Variants in PARL observed in about 807,000 individuals in gnomAD.
PARL encodes presenilin associated rhomboid like.
Under a neutral mutation model 51.6 loss-of-function variants are expected in PARL, and 44 were observed. The observed-to-expected ratio is 0.85, with a 90% CI of 0.67 to 1.10. The LOEUF is 1.10. Ranked by LOEUF, PARL falls within the 50% of genes least tolerant of loss-of-function variation. The pLI, the probability that PARL is intolerant of heterozygous loss-of-function variation, is 0.00. For missense variants in PARL, 441 were observed against 469.5 expected (o/e 0.94, Z 0.56); for synonymous variants, 172 against 164.0 (o/e 1.05, Z -0.37).
chr3:183,850,516 T>C (rs1262578317), intron 4 of PARL, among the ~76,000 whole-genome samples: 2 of 152,224 alleles, frequency 1.3e-5, no homozygotes, highest in East Asian at 3.8e-4. Flanking sequence ...TCTGTGGTTC[T>C]ACGTGGACAC....
chr3:183,862,222 G>C (rs749513578), intron 4 of PARL, among the ~76,000 whole-genome samples: 14 of 152,178 alleles, frequency 9.2e-5, no homozygotes, highest in Non-Finnish European at 1.9e-4. Flanking sequence ...CATTTAAATG[G>C]GGTTTTATAA....
chr3:183,856,025 G>A (rs930794867), intron 4 of PARL, among the ~76,000 whole-genome samples: 1 of 151,148 alleles, frequency 6.6e-6, no homozygotes, highest in Admixed American at 6.6e-5. Context: ...TTCCCCTGCC[G>A]CTCACCTCCT....
chr3:183,850,358 C>G (rs1730412794), intron 4 of PARL, among the ~76,000 whole-genome samples: 1 of 152,200 alleles, frequency 6.6e-6, no homozygotes, highest in Non-Finnish European at 1.5e-5. Context: ...CTGCCACCAT[C>G]TCTTTGGTCT....
At chr3:183,847,983 T>C (rs1439262484) in intron 4 of PARL, among the ~76,000 whole-genome samples, 1 of 152,222 alleles carries the variant, frequency 6.6e-6, no homozygotes, top group Non-Finnish European at 1.5e-5. Context: ...GCACTACTGA[T>C]TCAGGAAGGC....
In PARL at chr3:183,840,621, G is replaced by T; in HGVS notation, c.777C>A (p.Val259=). 1 of 1,538,618 alleles carries T rather than the reference G, an allele frequency of 6.5e-7. No individual in the cohort carries two copies. Among genetic ancestry groups the T allele is most frequent in the Non-Finnish European group, 9.0e-7 (1 of 1,117,136 alleles). Residue 259 remains valine, a synonymous_variant, in exon 7 of 10, where the codon GTC becomes GTA. Transcript: ENST00000317096. ...CTGTGGCAACTTTACCCACGTAACT[G>T]ACAAAATTGGAAATAACACCTGAAA... ...YLSAGVISNF[V]SYVGKVATGR... is the part of the protein sequence containing the mutation.
chr3:183,874,163 C>A (rs1733526547), intron 1 of PARL, among the ~76,000 whole-genome samples: 1 of 152,098 alleles, frequency 6.6e-6, no homozygotes, highest in Non-Finnish European at 1.5e-5. Context: ...TGATCAGTGA[C>A]CTTTGATGTT....
At chr3:183,840,693 C>CTTT in intron 6 of PARL, 53 bp from the exon 7 acceptor site, 1 of 736,720 alleles carries the variant, frequency 1.4e-6, no homozygotes, top group South Asian at 1.8e-5. Context: ...AAATGGTTTA[C>CTTT]TTTTTTTTTT....
Position 183,884,767 on chromosome 3 carries a change from T to A in PARL, c.80A>T (p.Glu27Val). 6.3e-7 allele frequency: 1 copy of A among 1,582,848 alleles called. No homozygotes were observed. The highest frequency in any genetic ancestry group is 8.6e-7 in the Non-Finnish European group (1 of 1,169,274). The change falls in exon 1 of 10, where the codon GAG becomes GTG. Residue 27 changes from glutamate to valine, a missense_variant. Coordinates refer to ENST00000317096, the MANE Select transcript of PARL (RefSeq NM_018622.7). ...CGGGGTTAGGACCGCAGTGAGCTCC[T>A]CGCAGCTGCGGCCGCCCACCGACGC... Reference protein sequence around the residue: ...WGASVGGRSCEELTAVLTPPQ... With the variant: ...WGASVGGRSCVELTAVLTPPQ...
At chr3:183,862,584 A>G (rs975364660) in intron 4 of PARL, 169 bp downstream of exon 4, 1 of 617,292 alleles carries the variant, frequency 1.6e-6, no homozygotes, top group Non-Finnish European at 2.9e-6. Flanking sequence ...CATCATGTAA[A>G]CCTTTATACC....
At chr3:183,842,237 C>G in intron 6 of PARL, 61 bp downstream of exon 6, 1 of 1,477,036 alleles carries the variant, frequency 6.8e-7, no homozygotes, top group Non-Finnish European at 9.5e-7. Context: ...TCCCTTTGTC[C>G]GTTCTGCAGA....
intron 3 of PARL, among the ~76,000 whole-genome samples, chr3:183,864,887 T>C (rs1732273852): frequency 2.0e-5 from 3 of 148,372 alleles, no homozygotes; most frequent in Non-Finnish European, 4.5e-5. Context: ...TGAAAAGCTC[T>C]AAAAGCTCCA....
At chr3:183,882,747 C>T (rs1260060277) in intron 1 of PARL, among the ~76,000 whole-genome samples, 2 of 152,212 alleles carry the variant, frequency 1.3e-5, no homozygotes, top group East Asian at 1.9e-4. Context: ...GTAAACCATT[C>T]TTGGCTGGTG....
chr3:183,868,622 T>C (rs967286738), intron 1 of PARL, among the ~76,000 whole-genome samples: 1 of 152,176 alleles, frequency 6.6e-6, no homozygotes, highest in Non-Finnish European at 1.5e-5. Context: ...TTGCCCAAGC[T>C]AGTCTCAAAC....
At chr3:183,864,561 G>A (rs576741315) in intron 3 of PARL, among the ~76,000 whole-genome samples, 2 of 151,986 alleles carry the variant, frequency 1.3e-5, no homozygotes, top group African/African-American at 2.4e-5. Flanking sequence ...CAGATCACGA[G>A]GTCAGGAGAT....
rs777040707 is a variant in PARL at position 183,866,670 on chromosome 3, C to T, written c.417G>A (p.Trp139Ter). 1.9e-6 allele frequency: 3 copies of T among 1,612,244 alleles called. No individual in the cohort carries two copies. Among genetic ancestry groups the T allele is most frequent in the Non-Finnish European group, 2.5e-6 (3 of 1,179,314 alleles). The change falls in exon 3 of 10, where the codon TGG (tryptophan) becomes TGA (stop). Residue 139 changes from tryptophan to a stop codon, truncating the protein, a stop_gained. Coordinates refer to ENST00000317096, the MANE Select transcript of PARL (RefSeq NM_018622.7). LOFTEE classifies it high-confidence loss of function. ...CTTTTTGTGGTCTTATGCTATCCAACCAATCAGCTTTTATACCATCAAAAT... is the reference window on the plus strand; with the variant it reads ...CTTTTTGTGGTCTTATGCTATCCAATCAATCAGCTTTTATACCATCAAAAT... ...QSYFDGIKADWLDSIRPQKEG... is the reference protein window; with the variant it reads ...QSYFDGIKAD
At chr3:183,857,735 T>G (rs774895421) in intron 4 of PARL, among the ~76,000 whole-genome samples, 12 of 152,210 alleles carry the variant, frequency 7.9e-5, no homozygotes, top group Non-Finnish European at 1.5e-4. Flanking sequence ...TGACAAAATC[T>G]AGTCTAGGCA....
intron 3 of PARL, among the ~76,000 whole-genome samples, chr3:183,865,191 C>T (rs925310546): frequency 2.0e-5 from 3 of 152,062 alleles, no homozygotes; most frequent in African/African-American, 7.2e-5. Flanking sequence ...GCCTGTAGTC[C>T]CAGCTACTCA....
intron 4 of PARL, among the ~76,000 whole-genome samples, chr3:183,860,265 AAC>A (rs1443716960): frequency 6.6e-6 from 1 of 152,206 alleles, no homozygotes; most frequent in Non-Finnish European, 1.5e-5. Context: ...ATACTAAATA[AAC>A]AGTTTATTCT....
intron 4 of PARL, among the ~76,000 whole-genome samples, chr3:183,855,003 G>C (rs954549262): frequency 6.6e-6 from 1 of 152,116 alleles, no homozygotes; most frequent in African/African-American, 2.4e-5. Flanking sequence ...ACTGCAACAC[G>C]AGTGAACCTT....
Sources: allele counts gnomAD v4.1 joint callset (sites outside exome capture counted in the v4.1 genomes callset), GRCh38; gene constraint gnomAD v4.1.1; transcripts MANE v1.5; gene names NCBI Gene and HGNC (gene_info 2026-07-23, HGNC 2026-07-21).